Variants in NLGN1 observed in about 807,000 individuals in gnomAD.
NLGN1 encodes the protein neuroligin 1.
NLGN1 carries 12 observed loss-of-function variants against 65.5 expected under a neutral mutation model. That is an observed-to-expected ratio of 0.18 (90% CI 0.12 to 0.30). NLGN1 has a LOEUF of 0.30. NLGN1 is among the 10% of genes least tolerant of loss of function. NLGN1 has a pLI of 1.00. For missense variants in NLGN1, 750 were observed against 1,007.1 expected, an observed-to-expected ratio of 0.74 and a Z score of 3.46; for synonymous variants, 350 against 359.5, an observed-to-expected ratio of 0.97 and a Z score of 0.30.
chr3:174,136,051 G>T (rs1427001525), intron 4 of NLGN1, among the ~76,000 whole-genome samples: 1 of 152,044 alleles, frequency 6.6e-6, no homozygotes, highest in Non-Finnish European at 1.5e-5. Context: ...TTAAAGCCAT[G>T]CATGCTTGTG....
At chr3:173,907,624 G>A (rs375390229) in intron 4 of NLGN1, among the ~76,000 whole-genome samples, 3 of 132,976 alleles carry the variant, frequency 2.3e-5, no homozygotes, top group Non-Finnish European at 3.1e-5. Context: ...TTGCTCTGTC[G>A]CCCAGTCTGT....
the NLGN1 span, among the ~76,000 whole-genome samples, chr3:174,291,711 G>A: frequency 1.3e-5 from 2 of 151,130 alleles, no homozygotes; most frequent in Non-Finnish European, 3.0e-5. Context: ...AAAGAACTCA[G>A]GGAATATTGT....
intron 4 of NLGN1, among the ~76,000 whole-genome samples, chr3:174,012,483 A>T (rs1725757113): frequency 1.3e-5 from 2 of 152,188 alleles, no homozygotes; most frequent in South Asian, 4.1e-4. Flanking sequence ...TTAGTAGAAT[A>T]TAATAAAGCA....
chr3:173,836,504 T>C (rs1215521682), intron 4 of NLGN1, among the ~76,000 whole-genome samples: 2 of 152,114 alleles, frequency 1.3e-5, no homozygotes, highest in East Asian at 1.9e-4. Context: ...AAGAGAAAAA[T>C]GTATAAAATC....
chr3:174,131,387 G>C (rs1720152345), intron 4 of NLGN1, among the ~76,000 whole-genome samples: 1 of 152,082 alleles, frequency 6.6e-6, no homozygotes, highest in African/African-American at 2.4e-5. Flanking sequence ...TTAGCCATAA[G>C]AAAGCTACAT....
chr3:173,479,609 AGAG>A (rs1336645609), intron 2 of NLGN1, among the ~76,000 whole-genome samples: 1 of 152,170 alleles, frequency 6.6e-6, no homozygotes, highest in Non-Finnish European at 1.5e-5. Flanking sequence ...ATATCAACCC[AGAG>A]GAGTTCTGTG....
intron 3 of NLGN1, among the ~76,000 whole-genome samples, chr3:173,796,217 C>T (rs1714032996): frequency 6.6e-6 from 1 of 152,018 alleles, no homozygotes; most frequent in African/African-American, 2.4e-5. Flanking sequence ...AGCCCTTCAT[C>T]AAAGGGAATG....
At chr3:173,645,141 G>A (rs1009355041) in intron 3 of NLGN1, among the ~76,000 whole-genome samples, 8 of 152,226 alleles carry the variant, frequency 5.3e-5, no homozygotes, top group African/African-American at 1.7e-4. Context: ...GGTTCCATTA[G>A]GCAACTTTCA....
At chr3:173,568,614 A>G (rs1435546675) in intron 2 of NLGN1, among the ~76,000 whole-genome samples, 3 of 152,152 alleles carry the variant, frequency 2.0e-5, no homozygotes, top group Non-Finnish European at 4.4e-5. Flanking sequence ...TATTTAAGAA[A>G]CAAAAACAAA....
chr3:173,437,648 CT>C (rs1718380267), intron 2 of NLGN1, among the ~76,000 whole-genome samples: 1 of 152,076 alleles, frequency 6.6e-6, no homozygotes, highest in Admixed American at 6.5e-5. Flanking sequence ...TTTTGATTTT[CT>C]TTAAATCTTG....
chr3:174,279,942 T>C lies in NLGN1; in HGVS notation c.1649+292T>C, dbSNP rs1028631710. ...CTTGTTATTGTTCAGCAGTAATAAA[T>C]ATTATTTTATAGTGCTTTGTCATTC... On this transcript the variant is annotated intron_variant, in intron 6 of 6. Coordinates refer to ENST00000457714, the Ensembl canonical transcript of NLGN1. This position sits in a 1 kb window ranked among gnomAD's most constrained non-coding sequence, Gnocchi z 4.7. 1.3e-5 allele frequency among the ~76,000 whole-genome samples: 2 copies of C among 151,976 alleles called. No homozygotes were observed. The highest frequency in any genetic ancestry group is 2.9e-5 in the Non-Finnish European group (2 of 67,944).
At chr3:173,492,780 T>C (rs1242241753) in intron 2 of NLGN1, among the ~76,000 whole-genome samples, 2 of 151,830 alleles carry the variant, frequency 1.3e-5, no homozygotes, top group Non-Finnish European at 2.9e-5. Flanking sequence ...GAGGAATCTG[T>C]AATCTTTGAT....
intron 1 of NLGN1, among the ~76,000 whole-genome samples, chr3:173,408,768 T>C (rs1711841335): frequency 6.6e-6 from 1 of 151,882 alleles, no homozygotes; most frequent in African/African-American, 2.4e-5. Flanking sequence ...AAAAATTAGC[T>C]GGGCGTGGTG....
At chr3:173,510,224 T>C (rs1224738802) in intron 2 of NLGN1, among the ~76,000 whole-genome samples, 1 of 152,206 alleles carries the variant, frequency 6.6e-6, no homozygotes, top group Middle Eastern at 3.2e-3. Flanking sequence ...AGACTCCAAC[T>C]CTTTCTTTAA....
downstream of NLGN1, among the ~76,000 whole-genome samples, chr3:174,289,121 A>G (rs1577841022): frequency 6.6e-6 from 1 of 151,382 alleles, no homozygotes; most frequent in South Asian, 2.1e-4. Flanking sequence ...GGTTGAGGAT[A>G]AATCTCCAGA....
intron 2 of NLGN1, among the ~76,000 whole-genome samples, chr3:173,563,223 G>C (rs1743066170): frequency 6.6e-6 from 1 of 152,192 alleles, no homozygotes; most frequent in Admixed American, 6.5e-5. Context: ...ATCGAATATT[G>C]AATAAAGAGA....
At chr3:173,572,432 G>A (rs1396078189) in intron 2 of NLGN1, among the ~76,000 whole-genome samples, 3 of 152,232 alleles carry the variant, frequency 2.0e-5, no homozygotes, top group Admixed American at 2.0e-4. Context: ...TAGATGAGGA[G>A]GGCAGAGGCC....
chr3:173,446,011 A>G (rs532983018), intron 2 of NLGN1, among the ~76,000 whole-genome samples: 2 of 151,952 alleles, frequency 1.3e-5, no homozygotes, highest in East Asian at 1.9e-4. Flanking sequence ...AATAAAAGCT[A>G]TCAGATGCAA....
chr3:173,756,355 AAAAC>A (rs1777119873), intron 3 of NLGN1, among the ~76,000 whole-genome samples: 1 of 152,002 alleles, frequency 6.6e-6, no homozygotes, highest in African/African-American at 2.4e-5. Flanking sequence ...TTTGAAGAGA[AAAAC>A]AAGTCATGGA....
Sources: allele counts gnomAD v4.1 joint callset (sites outside exome capture counted in the v4.1 genomes callset), GRCh38; gene constraint gnomAD v4.1.1; non-coding constraint Gnocchi (gnomAD v3.1); transcripts MANE v1.5; gene names NCBI Gene and HGNC (gene_info 2026-07-23, HGNC 2026-07-21).